The following ATOSA variants were observed in gnomAD, a reference collection of about 807,000 sequenced individuals.
ATOSA encodes atos homolog protein A.
the ATOSA span, among the ~76,000 whole-genome samples, chr15:52,622,062 G>T: frequency 2.6e-5 from 4 of 152,018 alleles, no homozygotes; most frequent in Non-Finnish European, 2.9e-5. Context: ...GGCCAGGGTG[G>T]TCTCGAACTC....
At chr15:52,658,676 A>ATAG in the ATOSA span, 6 of 397,802 alleles carry the variant, frequency 1.5e-5, no homozygotes, top group Non-Finnish European at 2.7e-5. Context: ...ACAGAAAGGG[A>ATAG]TAGTGGAGGC....
the ATOSA span, among the ~76,000 whole-genome samples, chr15:52,685,622 AG>A: frequency 3.9e-5 from 6 of 152,048 alleles, no homozygotes; most frequent in African/African-American, 1.4e-4. Context: ...TTTGTTGAGA[AG>A]GAGTTTTGCC....
At chr15:52,635,039 A>G in the ATOSA span, among the ~76,000 whole-genome samples, 14 of 152,350 alleles carry the variant, frequency 9.2e-5, no homozygotes, top group African/African-American at 3.4e-4. Context: ...GAAAAAAGTG[A>G]TATTGCTAGT....
the ATOSA span, among the ~76,000 whole-genome samples, chr15:52,604,203 C>T: frequency 2.6e-5 from 4 of 152,280 alleles, no homozygotes; most frequent in East Asian, 3.9e-4. Context: ...GGGCGGATCA[C>T]GAGGTCAAGA....
chr15:52,677,383 A>AAGTC, the ATOSA span, among the ~76,000 whole-genome samples: 1 of 152,212 alleles, frequency 6.6e-6, no homozygotes, highest in Non-Finnish European at 1.5e-5. Flanking sequence ...AATTACCTTG[A>AAGTC]AGTCCTTGAA....
the ATOSA span, among the ~76,000 whole-genome samples, chr15:52,651,520 C>A: frequency 3.9e-5 from 6 of 152,154 alleles, no homozygotes; most frequent in South Asian, 2.1e-4. Flanking sequence ...ATACCTCCTG[C>A]CCCCACATAC....
chr15:52,621,270 A>C, the ATOSA span, among the ~76,000 whole-genome samples: 1 of 152,242 alleles, frequency 6.6e-6, no homozygotes, highest in Non-Finnish European at 1.5e-5. Context: ...TATCTGTGGA[A>C]TCACAAGCAT....
At chr15:52,588,943 G>A in the ATOSA span, among the ~76,000 whole-genome samples, 2 of 152,220 alleles carry the variant, frequency 1.3e-5, no homozygotes, top group South Asian at 2.1e-4. Context: ...ACGTCTCTCT[G>A]TTGGGTTCGG....
chr15:52,585,192 T>C, the ATOSA span: 2 of 314,544 alleles, frequency 6.4e-6, no homozygotes, highest in Non-Finnish European at 1.2e-5. Flanking sequence ...TAGTCACAAA[T>C]TTCATATATA....
At chr15:52,680,047 A>T in the ATOSA span, among the ~76,000 whole-genome samples, 3 of 150,794 alleles carry the variant, frequency 2.0e-5, no homozygotes, top group South Asian at 6.3e-4. Flanking sequence ...CTTCCAAGAC[A>T]CTCGCTGTGC....
the ATOSA span, chr15:52,590,792 T>C: frequency 6.6e-6 from 1 of 152,214 alleles, no homozygotes; most frequent in African/African-American, 2.4e-5. Flanking sequence ...AAACTTTTAA[T>C]AGAAAAATAC....
chr15:52,674,481 T>A, the ATOSA span, among the ~76,000 whole-genome samples: 2 of 152,218 alleles, frequency 1.3e-5, no homozygotes, highest in Non-Finnish European at 2.9e-5. Context: ...TGCCCAGCTC[T>A]AGTCAGCTGT....
the ATOSA span, among the ~76,000 whole-genome samples, chr15:52,708,417 C>T: frequency 1.3e-5 from 2 of 152,244 alleles, no homozygotes; most frequent in Admixed American, 1.3e-4. Context: ...AGGACACAAA[C>T]TCTCCTGCTT....
chr15:52,631,700 A>G, the ATOSA span, among the ~76,000 whole-genome samples: 1 of 152,214 alleles, frequency 6.6e-6, no homozygotes, highest in African/African-American at 2.4e-5. Flanking sequence ...CTACTGACGA[A>G]AAGTTAGATT....
chr15:52,688,124 G>A, the ATOSA span, among the ~76,000 whole-genome samples: 1 of 152,330 alleles, frequency 6.6e-6, no homozygotes, highest in East Asian at 1.9e-4. Flanking sequence ...ATTGTTTAAA[G>A]CTGCTAATTT....
chr15:52,643,471 T>G, the ATOSA span, among the ~76,000 whole-genome samples: 3 of 94,516 alleles, frequency 3.2e-5, no homozygotes, highest in African/African-American at 8.2e-5. Context: ...TTTTTTTTTG[T>G]AGCGACAGCA....
chr15:52,647,412 G>A, the ATOSA span, among the ~76,000 whole-genome samples: 24 of 152,206 alleles, frequency 1.6e-4, no homozygotes, highest in Non-Finnish European at 2.4e-4. Flanking sequence ...TGACAAAAGA[G>A]CATTTTGGCT....
the ATOSA span, among the ~76,000 whole-genome samples, chr15:52,627,344 T>C: frequency 1.3e-5 from 2 of 152,186 alleles, no homozygotes; most frequent in Non-Finnish European, 2.9e-5. Flanking sequence ...TAATACCTTA[T>C]TATAATGCCC....
the ATOSA span, among the ~76,000 whole-genome samples, chr15:52,612,669 G>GA: frequency 6.6e-6 from 1 of 151,468 alleles, no homozygotes; most frequent in Non-Finnish European, 1.5e-5. Flanking sequence ...CACACCCAGC[G>GA]AAGTTTTGTA....
Sources: gnomAD v4.1 joint callset for allele counts (sites outside exome capture counted in the v4.1 genomes callset) on GRCh38, gnomAD v4.1.1 for gene constraint, MANE v1.5 for transcripts, NCBI Gene and HGNC (gene_info 2026-07-23, HGNC 2026-07-21) for gene names.